Variants in LIN28B observed in about 807,000 individuals in gnomAD.
LIN28B encodes lin-28 RNA binding posttranscriptional regulator B.
In LIN28B, 5 loss-of-function variants were observed where a neutral mutation model predicts 21.9. The ratio of observed to expected loss-of-function variants is 0.23; its 90% CI spans 0.12 to 0.48. The LOEUF (loss-of-function observed/expected upper bound fraction) is 0.48. Among genes scored for constraint, LIN28B ranks in the 20% least tolerant of loss-of-function variants. The pLI, the probability that LIN28B is intolerant of heterozygous loss-of-function variation, is 0.98. For synonymous variants in LIN28B, 109 were observed against 111.3 expected, an observed-to-expected ratio of 0.98 and a Z score of 0.13; for missense variants, 245 against 310.5, an observed-to-expected ratio of 0.79 and a Z score of 1.58.
At position 105,082,242 on chromosome 6, in the gene LIN28B, G is replaced by T. The variant is rs556699965; in HGVS notation, c.*3459G>T. 6.6e-6 allele frequency: 1 copy of T among 152,564 alleles called. No individual in the cohort carries two copies. Among genetic ancestry groups the T allele is most frequent in the Non-Finnish European group, 1.5e-5 (1 of 68,028 alleles). 9.5% of individuals were successfully genotyped at this position (152,564 alleles called of 1,614,324 possible). On this transcript the variant is annotated 3_prime_UTR_variant, in exon 4 of 4. Coordinates refer to ENST00000345080, the MANE Select transcript of LIN28B (RefSeq NM_001004317.4). Reference sequence around the variant, plus strand: ...GTTTAGAGTGCAATGTAAGAAAAAAGATCAAGAAATGTCATGTTATTAGCA... The same window carrying T: ...GTTTAGAGTGCAATGTAAGAAAAAATATCAAGAAATGTCATGTTATTAGCA...
rs10562331 is a variant in LIN28B, at chr6:104,938,050, CAAAAAAAAAAAAA to C, written c.18+950_18+962del. Reference sequence around the variant, plus strand: ...GCAACAGAGCAAGAACCTGTCTCTACAAAAAAAAAAAAAAAAAAAAAAAAAAAATTAGGCAGAA... The same window carrying C: ...GCAACAGAGCAAGAACCTGTCTCTACAAAAAAAAAAAAAAATTAGGCAGAA... On this transcript the variant is annotated intron_variant, in intron 2 of 5. Coordinates refer to the LIN28B transcript ENST00000635857. 3.5e-4 allele frequency among the ~76,000 whole-genome samples: 26 copies of C among 73,710 alleles called. No individual in the cohort carries two copies. The South Asian group carries it at 5.3e-3, about 15-fold the overall frequency. The allele number at this position is 73,710 out of a possible 152,430, so 48.4% of individuals were successfully genotyped here.
At chr6:104,971,203 G>C (rs542131796) in intron 2 of LIN28B, among the ~76,000 whole-genome samples, 1 of 151,932 alleles carries the variant, frequency 6.6e-6, no homozygotes, top group East Asian at 1.9e-4. Context: ...GTGCAAATAA[G>C]TACTTTTAAA....
intron 2 of LIN28B, among the ~76,000 whole-genome samples, chr6:105,000,279 T>G (rs1021244300): frequency 6.6e-6 from 1 of 152,162 alleles, no homozygotes; most frequent in Non-Finnish European, 1.5e-5. Context: ...TCTGTGTGTA[T>G]GAAAAAATGC....
rs776654426 is a variant in LIN28B at position 104,958,209 on chromosome 6, A to G, written c.121A>G (p.Met41Val). The G allele has an allele frequency of 1.1e-5, 17 of 1,605,488 alleles. No individual in the cohort carries two copies. The highest frequency in any genetic ancestry group is 1.4e-5 in the Non-Finnish European group (16 of 1,173,314). ...TGHCKWFNVR[M>V]GFGFISMINR... ...CCACTGTAAGTGGTTCAATGTGCGC[A>G]TGGGATTTGGATTCATCTCCATGAT... Residue 41 changes from methionine (M) to valine (V), a missense_variant, in exon 2 of 4, where the codon ATG becomes GTG. Physicochemically the swap from Met to Val is conservative, Grantham distance 21. Coordinates refer to ENST00000345080, the MANE Select transcript of LIN28B (RefSeq NM_001004317.4).
intron 2 of LIN28B, among the ~76,000 whole-genome samples, chr6:104,937,272 C>T (rs1186687740): frequency 6.6e-6 from 1 of 152,134 alleles, no homozygotes; most frequent in African/African-American, 2.4e-5. Flanking sequence ...AAGCCGCAAC[C>T]GCGGGCGCGC....
rs1778304305 is a variant in LIN28B at position 104,957,320 on chromosome 6, C to G, written c.10+60C>G. 4 of 1,195,358 alleles carry G rather than the reference C, an allele frequency of 3.3e-6. No homozygotes were observed. In the Admixed American group the frequency reaches 8.3e-5, roughly 25 times the overall value. 74.0% of individuals were successfully genotyped at this position (1,195,358 alleles called of 1,614,324 possible). ...TCTTTCTTCTTTTCTCCTCCCCCTC[C>G]CCCTCTCCCACCCTTCTTAGACCGT... On this transcript the variant is annotated intron_variant, in intron 1 of 3. Coordinates refer to ENST00000345080, the MANE Select transcript of LIN28B (RefSeq NM_001004317.4).
At chr6:105,020,254 G>A (rs1771110588) in intron 2 of LIN28B, among the ~76,000 whole-genome samples, 1 of 151,610 alleles carries the variant, frequency 6.6e-6, no homozygotes, top group South Asian at 2.1e-4. Context: ...GGGATTACAG[G>A]CATCAGCCAC....
intron 2 of LIN28B, among the ~76,000 whole-genome samples, chr6:105,010,714 C>CT: frequency 6.6e-6 from 1 of 152,264 alleles, no homozygotes; most frequent in South Asian, 2.1e-4. Flanking sequence ...AGTTCACTAT[C>CT]TTTTTTGAGG....
upstream of LIN28B, among the ~76,000 whole-genome samples, chr6:104,955,791 C>T (rs1778279279): frequency 6.6e-6 from 1 of 151,924 alleles, no homozygotes; most frequent in Admixed American, 6.6e-5. Context: ...GTAGGCAAGT[C>T]TGGTGGTGCA....
chr6:104,973,539 C>G (rs75036068), intron 2 of LIN28B, among the ~76,000 whole-genome samples: 3,327 of 152,256 alleles, frequency 0.022, 135 homozygotes, highest in African/African-American at 0.077. Flanking sequence ...CTCCTCCCCC[C>G]ACTCCCCTTT....
intron 2 of LIN28B, among the ~76,000 whole-genome samples, chr6:104,945,427 A>G (rs1172722687): frequency 2.0e-5 from 3 of 152,110 alleles, no homozygotes; most frequent in South Asian, 4.1e-4. Flanking sequence ...TTGTATATTA[A>G]AACTTAAAAT....
At chr6:104,985,841 G>T (rs1014845577) in intron 2 of LIN28B, among the ~76,000 whole-genome samples, 4 of 152,078 alleles carry the variant, frequency 2.6e-5, no homozygotes, top group Admixed American at 2.0e-4. Context: ...AGATGTCAAG[G>T]TTTATTTGTT....
chr6:104,971,970 T>C (rs189984446), intron 2 of LIN28B, among the ~76,000 whole-genome samples: 38 of 152,090 alleles, frequency 2.5e-4, no homozygotes, highest in Admixed American at 6.6e-4. Context: ...ATTACTGTTA[T>C]TTATTTATTT....
At chr6:104,994,894 A>AT (rs1461073239) in intron 2 of LIN28B, among the ~76,000 whole-genome samples, 1 of 152,162 alleles carries the variant, frequency 6.6e-6, no homozygotes, top group African/African-American at 2.4e-5. Context: ...ATTTGAACAG[A>AT]TTTTCACTAT....
At chr6:104,991,797 G>T (rs191677999) in intron 2 of LIN28B, among the ~76,000 whole-genome samples, 2 of 152,202 alleles carry the variant, frequency 1.3e-5, no homozygotes, top group South Asian at 2.1e-4. Context: ...GATCACTCGC[G>T]GTTAGGAGCT....
intron 2 of LIN28B, among the ~76,000 whole-genome samples, chr6:104,967,591 AAAAAAAAAG>A (rs1179562601): frequency 6.7e-6 from 1 of 150,062 alleles, no homozygotes; most frequent in African/African-American, 2.4e-5. Context: ...AAAAAAAAAA[AAAAAAAAAG>A]AAAGAAAGAA....
At chr6:104,952,498 C>T (rs1778230835), upstream of LIN28B, among the ~76,000 whole-genome samples, 1 of 151,936 alleles carries the variant, frequency 6.6e-6, no homozygotes, top group African/African-American at 2.4e-5. Flanking sequence ...TTTGCTATTC[C>T]AGGTTTTTAA....
At chr6:105,007,176 T>G (rs1770834232) in intron 2 of LIN28B, among the ~76,000 whole-genome samples, 1 of 152,230 alleles carries the variant, frequency 6.6e-6, no homozygotes, top group Non-Finnish European at 1.5e-5. Flanking sequence ...AATATACTGT[T>G]AATGAAAACA....
intron 2 of LIN28B, among the ~76,000 whole-genome samples, chr6:104,979,747 GA>G (rs1376731389): frequency 6.6e-6 from 1 of 151,844 alleles, no homozygotes; most frequent in Non-Finnish European, 1.5e-5. Flanking sequence ...TTTGGAAATT[GA>G]AAAAAAGAAA....
Sources: gnomAD v4.1 joint callset for allele counts (sites outside exome capture counted in the v4.1 genomes callset) on GRCh38, gnomAD v4.1.1 for gene constraint, MANE v1.5 for transcripts, NCBI Gene and HGNC (gene_info 2026-07-23, HGNC 2026-07-21) for gene names.